The following SLC2A1 variants were observed in gnomAD, a reference collection of about 807,000 sequenced individuals.
SLC2A1 encodes solute carrier family 2 member 1.
In SLC2A1, 4 loss-of-function variants were observed where a neutral mutation model predicts 46.6. The observed-to-expected ratio is 0.09, with a 90% CI of 0.04 to 0.20. The LOEUF (loss-of-function observed/expected upper bound fraction) is 0.20, where lower values mean the gene tolerates loss of function less well. Ranked by LOEUF, SLC2A1 falls within the 10% of genes least tolerant of loss-of-function variation. The pLI is 1.00. For missense variants in SLC2A1, 352 were observed against 667.0 expected, an observed-to-expected ratio of 0.53 and a Z score of 5.20; for synonymous variants, 253 against 270.0, an observed-to-expected ratio of 0.94 and a Z score of 0.62.
intron 1 of SLC2A1, among the ~76,000 whole-genome samples, chr1:42,956,607 A>T (rs563052769): frequency 2.6e-5 from 4 of 152,172 alleles, no homozygotes; most frequent in Admixed American, 1.3e-4. Context: ...AAATAAAAAT[A>T]AAAAAATAAA....
chr1:42,928,953 C>T lies in SLC2A1; in HGVS notation c.1053G>A (p.Met351Ile), dbSNP rs1270248389. The T allele has an allele frequency of 6.2e-7, 1 of 1,614,018 alleles. No homozygotes were observed. Among genetic ancestry groups the T allele is most frequent in the Non-Finnish European group, 8.5e-7 (1 of 1,180,018 alleles). The part of the protein sequence containing the change: ...LAGMAGCAIL[M>I]TIALALLEQL... ...TCACCAGCAGTGCTAGCGCGATGGT[C>T]ATGAGTATGGCACAACCCGCCATGC... The change falls in exon 8 of 10, where the codon ATG becomes ATA. Residue 351 changes from methionine to isoleucine, a missense_variant. Met to Ile is a conservative substitution (Grantham distance 10, BLOSUM62 1). Around this residue, in one of 5 missense-constraint regions of SLC2A1, gnomAD observed 167 missense variants for 280.8 expected, o/e 0.59. Transcript: ENST00000426263.
At chr1:42,953,201 C>G (rs1017901338) in intron 1 of SLC2A1, among the ~76,000 whole-genome samples, 1 of 152,250 alleles carries the variant, frequency 6.6e-6, no homozygotes, top group African/African-American at 2.4e-5. Context: ...CTCTCCCATT[C>G]CAGGGTGCAG....
rs554795118 is a variant in SLC2A1 at position 42,957,894 on chromosome 1, G to A, written c.18+740C>T. 1.8e-3 allele frequency among the ~76,000 whole-genome samples: 275 copies of A among 152,296 alleles called. 1 individual carries two copies. Among genetic ancestry groups the A allele is most frequent in the African/African-American group, 6.4e-3 (266 of 41,576 alleles). On this transcript the variant is annotated intron_variant, in intron 1 of 9. Transcript: ENST00000426263. ...GTTGCGCTCCCCGCCTGGCCCCGAG[G>A]GTAAACCTGCCTCCGCGGAACACAT...
chr1:42,948,315 G>A (rs140043343), intron 1 of SLC2A1, among the ~76,000 whole-genome samples: 43 of 152,306 alleles, frequency 2.8e-4, no homozygotes, highest in African/African-American at 9.9e-4. Context: ...TCCAGCCCCA[G>A]GGTTGGCCTG....
intron 1 of SLC2A1, among the ~76,000 whole-genome samples, chr1:42,958,408 A>G (rs1323779423): frequency 6.7e-6 from 1 of 150,342 alleles, no homozygotes; most frequent in East Asian, 2.0e-4. Flanking sequence ...CCAACTACGC[A>G]CGCGGCGCCC....
rs75485205 is a variant in SLC2A1, at chr1:42,927,224, G to A, written c.1296C>T (p.Tyr432=). The A allele has an allele frequency of 5.6e-4, 907 of 1,614,042 alleles. 4 individuals are homozygous for A. The African/African-American group carries it at 8.9e-3, about 16-fold the overall frequency. ...GGAGCACAGTGAAGATGATGAAGAC[G>A]TAGGGACCACACAGTTGCTGAAAGA... ...FQYVEQLCGP[Y]VFIIFTVLLV... is the part of the protein sequence containing the mutation. The change falls in exon 10 of 10, where the codon TAC becomes TAT. Residue 432 remains tyrosine, a synonymous_variant. Transcript: ENST00000426263. The surrounding 1 kb of genome is among the most constrained non-coding windows in gnomAD (Gnocchi z 5.3).
In SLC2A1 at chr1:42,926,633, A is replaced by C. The variant is rs2124444723; in HGVS notation, c.*408T>G. ...AAGCTTTGTAGTTCATAGTTCGATT[A>C]GTGTGTCCTTAGGACATAGGTCCAG... is the stretch of plus-strand genomic sequence containing the variant. On this transcript the variant is annotated 3_prime_UTR_variant, in exon 10 of 10. Transcript: ENST00000426263. 8.7e-7 allele frequency: 1 copy of C among 1,145,508 alleles called. No individual in the cohort carries two copies. The highest frequency in any genetic ancestry group is 5.7e-5 in the East Asian group (1 of 17,598). The allele number at this position is 1,145,508 out of a possible 1,614,324, so 71.0% of individuals were successfully genotyped here.
At chr1:42,933,371 G>A (rs143832484) in intron 2 of SLC2A1, among the ~76,000 whole-genome samples, 6 of 152,166 alleles carry the variant, frequency 3.9e-5, no homozygotes, top group African/African-American at 1.4e-4. Flanking sequence ...AGGTACCCCT[G>A]GCCTTATTGC....
chr1:42,928,140 G>C (rs1643447883), intron 8 of SLC2A1, among the ~76,000 whole-genome samples: 1 of 152,226 alleles, frequency 6.6e-6, no homozygotes. Context: ...CCTGGGGGTG[G>C]GGTGGATTCA....
At chr1:42,945,747 A>C (rs867728199) in intron 1 of SLC2A1, among the ~76,000 whole-genome samples, 2,631 of 139,190 alleles carry the variant, frequency 0.019, 43 homozygotes, top group Non-Finnish European at 0.026. Flanking sequence ...TCAAAAAAAA[A>C]AAAAAACAAA....
chr1:42,958,014 C>G (rs3754225), intron 1 of SLC2A1, among the ~76,000 whole-genome samples: 13,154 of 152,258 alleles, frequency 0.086, 743 homozygotes, highest in Admixed American at 0.17. Flanking sequence ...CGTTCGAGCC[C>G]GGGCCTGGAG....
intron 2 of SLC2A1, among the ~76,000 whole-genome samples, chr1:42,934,622 C>T (rs1258583259): frequency 6.6e-6 from 1 of 152,126 alleles, no homozygotes; most frequent in African/African-American, 2.4e-5. Context: ...TGTCTGGGTG[C>T]ACCTCAGGAA....
At chr1:42,939,639 T>C (rs1215777914) in intron 2 of SLC2A1, among the ~76,000 whole-genome samples, 1 of 152,162 alleles carries the variant, frequency 6.6e-6, no homozygotes, top group Non-Finnish European at 1.5e-5. Flanking sequence ...CAGATTTGTC[T>C]ACATCTTCAG....
At chr1:42,943,676 A>G (rs141153516) in intron 1 of SLC2A1, among the ~76,000 whole-genome samples, 122 of 152,270 alleles carry the variant, frequency 8.0e-4, no homozygotes, top group African/African-American at 2.8e-3. Flanking sequence ...TGGGAGGCCC[A>G]GGAACCAGCC....
intron 2 of SLC2A1, among the ~76,000 whole-genome samples, chr1:42,940,483 C>G (rs5031048): frequency 0.024 from 3,678 of 152,364 alleles, 122 homozygotes; most frequent in African/African-American, 0.078. Context: ...CGATGGCTTA[C>G]ATTATCCCTC....
chr1:42,958,150 A>G (rs1174902727), intron 1 of SLC2A1, among the ~76,000 whole-genome samples: 3 of 152,002 alleles, frequency 2.0e-5, no homozygotes, highest in Non-Finnish European at 2.9e-5. Context: ...AGGGGAGCAG[A>G]CGGAGAGCGG....
At chr1:42,928,824 T>A (rs1391068068) in intron 8 of SLC2A1, 108 bp downstream of exon 8, 2 of 939,370 alleles carry the variant, frequency 2.1e-6, no homozygotes, top group Non-Finnish European at 3.5e-6. Context: ...CCAGGGAGAA[T>A]GCAGCCACCA....
chr1:42,947,581 C>CAAAAAAAAAAAAAAAAAAAAAAAAAAAA (rs144784155), intron 1 of SLC2A1, among the ~76,000 whole-genome samples: 1 of 55,830 alleles, frequency 1.8e-5, no homozygotes, highest in African/African-American at 9.2e-5. Flanking sequence ...CACACACACA[C>CAAAAAAAAAAAAAAAAAAAAAAAAAAAA]AAAAAAAAAA....
intron 1 of SLC2A1, among the ~76,000 whole-genome samples, chr1:42,949,553 G>T (rs990924935): frequency 3.3e-5 from 5 of 152,272 alleles, no homozygotes; most frequent in Admixed American, 6.5e-5. Flanking sequence ...CTTCCTTTAA[G>T]CCTTCCAATG....
Sources: allele counts gnomAD v4.1 joint callset (sites outside exome capture counted in the v4.1 genomes callset), GRCh38; gene constraint gnomAD v4.1.1; regional missense constraint gnomAD v4.1.1; non-coding constraint Gnocchi (gnomAD v3.1); transcripts MANE v1.5; gene names NCBI Gene and HGNC (gene_info 2026-07-23, HGNC 2026-07-21).